Variants in CCL26 observed in about 807,000 individuals in gnomAD.
The protein encoded by CCL26 is C-C motif chemokine 26.
In CCL26, 10 loss-of-function variants were observed where a neutral mutation model predicts 10.7. The observed-to-expected ratio is 0.93, with a 90% CI of 0.57 to 1.58. The LOEUF (loss-of-function observed/expected upper bound fraction) is 1.58. CCL26 is among the 40% of genes most tolerant of loss of function. The probability of loss-of-function intolerance (pLI) is 0.00; values close to 1 mark genes in which losing one functional copy is unlikely to be tolerated. For missense variants in CCL26, 116 were observed against 111.0 expected (o/e 1.05, Z -0.20); for synonymous variants, 43 against 41.4 (o/e 1.04, Z -0.15).
intron 1 of CCL26, among the ~76,000 whole-genome samples, chr7:75,778,384 GCTAGTTTCTGTATTTT>G (rs1554528999): frequency 1.4e-5 from 2 of 147,470 alleles, no homozygotes; most frequent in Admixed American, 6.9e-5. Context: ...ACCATGTCTG[GCTAGTTTCTGTATTTT>G]TGGTGTGGTT....
At chr7:75,781,114 C>T (rs1428955370) in intron 1 of CCL26, among the ~76,000 whole-genome samples, 5 of 152,228 alleles carry the variant, frequency 3.3e-5, no homozygotes, top group Admixed American at 3.3e-4. Context: ...AGCCCTAGGC[C>T]CTGAAAGGTC....
chr7:75,781,760 A>AC (rs1803069473), intron 1 of CCL26, among the ~76,000 whole-genome samples: 1 of 151,524 alleles, frequency 6.6e-6, no homozygotes, highest in Admixed American at 6.6e-5. Context: ...CCAGAGAACA[A>AC]CCCCCTTTGA....
rs190045425 is a variant in CCL26, at chr7:75,769,725, T to C, written c.253A>G (p.Ile85Val). The change falls in exon 3 of 3, where the codon ATT (isoleucine) becomes GTT (valine). Residue 85 changes from isoleucine (I) to valine (V), a missense_variant. By Grantham distance (29) the Ile-to-Val change is conservative (BLOSUM62 3). Transcript: ENST00000005180. Reference protein sequence around the residue: ...HPRKKWVQKYISLLKTPKQL With the variant: ...HPRKKWVQKYVSLLKTPKQL ...TGTTTCGGAGTTTTCAGTAAAGAAA[T>C]GTATTTTTGCACCCATTTTTTCCTT... The C allele has an allele frequency of 3.7e-6, 6 of 1,612,756 alleles. No individual in the cohort carries two copies. The African/African-American group carries it at 4.0e-5, about 11-fold the overall frequency.
chr7:75,786,518 C>G (rs1029845497), intron 1 of CCL26, among the ~76,000 whole-genome samples: 1 of 152,168 alleles, frequency 6.6e-6, no homozygotes, highest in Admixed American at 6.5e-5. Flanking sequence ...AAGGTTTCCT[C>G]CCTCGTAAGG....
rs1432761795 is a variant in CCL26 at position 75,771,775 on chromosome 7, G to A, written c.188+114C>T. ...AGCTCAGAGTCACACTTGTTAGTGT[G>A]CAGAGGTGGGGTTTCCAGGTTCCCA... On this transcript the variant is annotated intron_variant, in intron 2 of 2. Transcript: ENST00000005180. 4.2e-6 allele frequency: 3 copies of A among 715,394 alleles called. No homozygotes were observed. The African/African-American group carries it at 5.2e-5, about 13-fold the overall frequency. 44.3% of individuals were successfully genotyped at this position (715,394 alleles called of 1,614,324 possible).
chr7:75,775,364 G>A (rs782532770), upstream of CCL26, among the ~76,000 whole-genome samples: 19 of 152,146 alleles, frequency 1.2e-4, no homozygotes, highest in African/African-American at 2.2e-4. Flanking sequence ...TTTGAAGATC[G>A]TTGTTTTTAT....
upstream of CCL26, among the ~76,000 whole-genome samples, chr7:75,773,211 T>C (rs111467758): frequency 1.8e-4 from 27 of 151,860 alleles, no homozygotes; most frequent in African/African-American, 6.0e-4. Flanking sequence ...ATAATATATA[T>C]ATATAGTGAG....
chr7:75,789,346 T>C (rs1803272214), intron 1 of CCL26, among the ~76,000 whole-genome samples: 1 of 151,994 alleles, frequency 6.6e-6, no homozygotes, highest in Non-Finnish European at 1.5e-5. Context: ...GTTAAGGAAA[T>C]GTAATATGGG....
At chr7:75,791,235 C>G (rs1233608409), upstream of CCL26, among the ~76,000 whole-genome samples, 4 of 151,904 alleles carry the variant, frequency 2.6e-5, no homozygotes, top group African/African-American at 7.2e-5. Context: ...TCATGTTGGC[C>G]AGGCTGGTCT....
chr7:75,787,624 G>A (rs1311940852), intron 1 of CCL26, among the ~76,000 whole-genome samples: 43 of 114,518 alleles, frequency 3.8e-4, no homozygotes, highest in Non-Finnish European at 5.4e-4. Context: ...CAGCCTGGGC[G>A]ACAGAGTGAG....
upstream of CCL26, among the ~76,000 whole-genome samples, chr7:75,776,940 C>T (rs143835981): frequency 4.4e-4 from 67 of 152,092 alleles, no homozygotes; most frequent in African/African-American, 1.5e-3. Flanking sequence ...CCGTCAGAAA[C>T]GTGTTCATGG....
intron 1 of CCL26, among the ~76,000 whole-genome samples, chr7:75,787,304 A>G (rs1287049703): frequency 1.3e-5 from 2 of 152,062 alleles, no homozygotes; most frequent in African/African-American, 2.4e-5. Context: ...ACCCCTTACC[A>G]TCCTCAATCT....
chr7:75,775,813 C>T (rs781967855), upstream of CCL26, among the ~76,000 whole-genome samples: 1 of 151,078 alleles, frequency 6.6e-6, no homozygotes, highest in Non-Finnish European at 1.5e-5. Flanking sequence ...CTGATGTTCT[C>T]TTCTTTAGAC....
upstream of CCL26, among the ~76,000 whole-genome samples, chr7:75,776,578 AAGG>A (rs1554528757): frequency 2.0e-5 from 3 of 150,042 alleles, no homozygotes; most frequent in African/African-American, 7.3e-5. Flanking sequence ...GGAAGGAAGG[AAGG>A]AAGAAGGAAA....
intron 1 of CCL26, among the ~76,000 whole-genome samples, chr7:75,786,993 A>C (rs540629126): frequency 6.6e-6 from 1 of 152,276 alleles, no homozygotes; most frequent in East Asian, 1.9e-4. Flanking sequence ...TTCAGGCCCC[A>C]TCCCTTTCCT....
chr7:75,789,459 C>CTTTTTTT (rs782166200), intron 1 of CCL26, among the ~76,000 whole-genome samples: 1,095 of 104,108 alleles, frequency 0.011, 17 homozygotes, highest in South Asian at 0.066. Flanking sequence ...TTCTCTTTTT[C>CTTTTTTT]TCTTTTTTTT....
At chr7:75,770,100 C>T (rs1459461112) in intron 2 of CCL26, among the ~76,000 whole-genome samples, 2 of 150,148 alleles carry the variant, frequency 1.3e-5, no homozygotes, top group South Asian at 4.2e-4. Context: ...GACGAACTCT[C>T]ACTCTGTTGC....
upstream of CCL26, among the ~76,000 whole-genome samples, chr7:75,775,480 G>A (rs925901311): frequency 1.3e-5 from 2 of 152,146 alleles, no homozygotes; most frequent in Non-Finnish European, 2.9e-5. Flanking sequence ...CTGAGGCAAG[G>A]AAGCAGAGGC....
chr7:75,772,665 AAAAC>A (rs1361136891), upstream of CCL26, among the ~76,000 whole-genome samples: 1 of 149,818 alleles, frequency 6.7e-6, no homozygotes, highest in Non-Finnish European at 1.5e-5. Context: ...AAAAAAAAAA[AAAAC>A]AAACAAACAA....
Sources: gnomAD v4.1 joint callset for allele counts (sites outside exome capture counted in the v4.1 genomes callset) on GRCh38, gnomAD v4.1.1 for gene constraint, MANE v1.5 for transcripts, NCBI Gene and HGNC (gene_info 2026-07-23, HGNC 2026-07-21) for gene names.